The following ZNF385B variants were observed in gnomAD, a reference collection of about 807,000 sequenced individuals.
The protein encoded by ZNF385B is zinc finger protein 385B.
ZNF385B carries 23 observed loss-of-function variants against 39.2 expected under a neutral mutation model. The observed-to-expected ratio is 0.59, with a 90% CI of 0.42 to 0.83. The LOEUF (loss-of-function observed/expected upper bound fraction) is 0.83. Among genes scored for constraint, ZNF385B ranks in the 40% least tolerant of loss-of-function variants. The probability of loss-of-function intolerance (pLI) is 0.00; values close to 1 mark genes in which losing one functional copy is unlikely to be tolerated. For missense variants in ZNF385B, 552 were observed against 598.9 expected (o/e 0.92, Z 0.82); for synonymous variants, 205 against 222.6 (o/e 0.92, Z 0.70).
chr2:179,614,784 A>T (rs1470397424), intron 3 of ZNF385B, among the ~76,000 whole-genome samples: 1 of 152,228 alleles, frequency 6.6e-6, no homozygotes, highest in Non-Finnish European at 1.5e-5. Flanking sequence ...AAGATCCATT[A>T]TATCAGTAGC....
intron 4 of ZNF385B, among the ~76,000 whole-genome samples, chr2:179,521,169 TTTTTTTG>T (rs1268237763): frequency 1.2e-5 from 1 of 86,378 alleles, no homozygotes; most frequent in East Asian, 4.2e-4. Flanking sequence ...CTAATACAGT[TTTTTTTG>T]TTTTTGTTTT....
intron 3 of ZNF385B, among the ~76,000 whole-genome samples, chr2:179,569,749 A>G (rs1437763770): frequency 6.6e-6 from 1 of 152,232 alleles, no homozygotes; most frequent in Non-Finnish European, 1.5e-5. Context: ...AGAAAGGTCA[A>G]TATTGGCTTA....
chr2:179,452,384 C>T (rs968584958), intron 6 of ZNF385B, among the ~76,000 whole-genome samples: 1 of 152,042 alleles, frequency 6.6e-6, no homozygotes, highest in Admixed American at 6.6e-5. Context: ...ACTACTCAAA[C>T]ACAGCCTCAG....
intron 1 of ZNF385B, among the ~76,000 whole-genome samples, chr2:179,834,670 A>G (rs1477782348): frequency 6.6e-6 from 1 of 152,206 alleles, no homozygotes; most frequent in Non-Finnish European, 1.5e-5. Context: ...GTGGATGCTA[A>G]CCTCATTAGG....
chr2:179,618,594 T>C (rs1300612989), intron 3 of ZNF385B, among the ~76,000 whole-genome samples: 1 of 152,190 alleles, frequency 6.6e-6, no homozygotes, highest in South Asian at 2.1e-4. Context: ...CCTGTAACCA[T>C]AGCACTCCTA....
At chr2:179,521,019 A>G (rs1574580317) in intron 4 of ZNF385B, among the ~76,000 whole-genome samples, 1 of 152,226 alleles carries the variant, frequency 6.6e-6, no homozygotes, top group African/African-American at 2.4e-5. Flanking sequence ...GAAAGACAAA[A>G]GATACATTTA....
chr2:179,816,890 A>T (rs1191691341), intron 1 of ZNF385B, among the ~76,000 whole-genome samples: 1 of 152,016 alleles, frequency 6.6e-6, no homozygotes, highest in Non-Finnish European at 1.5e-5. Flanking sequence ...TTTATGGAAG[A>T]TTTTTTTCCC....
intron 3 of ZNF385B, among the ~76,000 whole-genome samples, chr2:179,546,061 G>A (rs1285375977): frequency 6.6e-6 from 1 of 151,628 alleles, no homozygotes; most frequent in South Asian, 2.1e-4. Context: ...TAAAGACAAG[G>A]TCTCACTCTG....
intron 3 of ZNF385B, among the ~76,000 whole-genome samples, chr2:179,581,688 T>C (rs947535177): frequency 6.6e-6 from 1 of 152,220 alleles, no homozygotes; most frequent in Non-Finnish European, 1.5e-5. Context: ...AGCAAATTGC[T>C]TCCCAGATAC....
At chr2:179,541,612 T>G (rs1373917747) in intron 4 of ZNF385B, among the ~76,000 whole-genome samples, 1 of 152,154 alleles carries the variant, frequency 6.6e-6, no homozygotes, top group East Asian at 1.9e-4. Flanking sequence ...ATAAGGTAGA[T>G]TTCACCTAGT....
In ZNF385B at chr2:179,459,039, C is replaced by T. The variant is rs542353692; in HGVS notation, c.716-12269G>A. ...TTCCTCCCCTATAGTTGCAAGTTTG[C>T]ATGTACCTAAGAAAGTAAATGACAA... On this transcript the variant is annotated intron_variant, in intron 6 of 9. Coordinates refer to ENST00000410066, the MANE Select transcript of ZNF385B (RefSeq NM_152520.6). Among the ~76,000 whole-genome samples the T allele has an allele frequency of 1.6e-4, 24 of 152,288 alleles. No individual in the cohort carries two copies. In the South Asian group the frequency reaches 2.5e-3, roughly 16 times the overall value.
chr2:179,624,263 T>C (rs759203818), intron 3 of ZNF385B, among the ~76,000 whole-genome samples: 1 of 152,160 alleles, frequency 6.6e-6, no homozygotes, highest in Admixed American at 6.5e-5. Flanking sequence ...CCTGGCTTCT[T>C]ACAGTGATTC....
intron 6 of ZNF385B, among the ~76,000 whole-genome samples, chr2:179,455,205 T>C (rs775112431): frequency 1.3e-5 from 2 of 152,210 alleles, no homozygotes; most frequent in African/African-American, 4.8e-5. Context: ...TGTGTTGCAA[T>C]TGCCTACAGT....
intron 3 of ZNF385B, among the ~76,000 whole-genome samples, chr2:179,699,889 C>T (rs1252729170): frequency 6.6e-6 from 1 of 152,178 alleles, no homozygotes; most frequent in Admixed American, 6.5e-5. Flanking sequence ...GAAAGAGTTG[C>T]TCATAAATGT....
intron 1 of ZNF385B, among the ~76,000 whole-genome samples, chr2:179,771,685 T>C (rs916241089): frequency 2.6e-5 from 4 of 152,248 alleles, no homozygotes; most frequent in Non-Finnish European, 5.9e-5. Flanking sequence ...AAGTCACTTT[T>C]CTCATACACC....
At chr2:179,605,605 C>G (rs1267537079) in intron 3 of ZNF385B, among the ~76,000 whole-genome samples, 1 of 152,064 alleles carries the variant, frequency 6.6e-6, no homozygotes, top group African/African-American at 2.4e-5. Flanking sequence ...TATGCAGTGG[C>G]AGGCTCTGAA....
chr2:179,778,876 C>T (rs1704502590), intron 1 of ZNF385B, among the ~76,000 whole-genome samples: 1 of 152,168 alleles, frequency 6.6e-6, no homozygotes. Context: ...AGGTGAACCA[C>T]AAACATTACA....
At chr2:179,449,689 T>C (rs1052893329) in intron 6 of ZNF385B, among the ~76,000 whole-genome samples, 14 of 152,150 alleles carry the variant, frequency 9.2e-5, no homozygotes, top group African/African-American at 2.9e-4. Context: ...AGGTAATTTA[T>C]AGATTCAATG....
rs139866166 is a variant in ZNF385B, at chr2:179,807,893, TGAAAGAAAGAAA to T, written c.-154-37233_-154-37222del. Among the ~76,000 whole-genome samples the T allele has an allele frequency of 5.1e-3, 632 of 123,586 alleles. 10 individuals are homozygous for T. The highest frequency in any genetic ancestry group is 0.023 in the Middle Eastern group (6 of 258). The allele number at this position is 123,586 out of a possible 152,430, so 81.1% of individuals were successfully genotyped here. A position where few individuals can be genotyped will look rare whatever the true frequency, so the allele number is the denominator to read the frequency against. ...CTGGGCGACAGAGCGAGACTCCGTC[TGAAAGAAAGAAA>T]GAAAGAAAGAAAGAAAGAAAGAAAG... is the stretch of plus-strand genomic sequence containing the variant. On this transcript the variant is annotated intron_variant, in intron 1 of 9. Coordinates refer to ENST00000410066, the MANE Select transcript of ZNF385B (RefSeq NM_152520.6).
Sources: gnomAD v4.1 joint callset for allele counts (sites outside exome capture counted in the v4.1 genomes callset) on GRCh38, gnomAD v4.1.1 for gene constraint, MANE v1.5 for transcripts, NCBI Gene and HGNC (gene_info 2026-07-23, HGNC 2026-07-21) for gene names.